COPB1: variants seen among roughly 807,000 people sequenced by gnomAD.
COPB1 encodes coatomer subunit beta.
A neutral mutation model predicts 108.7 loss-of-function variants in COPB1; 21 were observed. The observed-to-expected ratio is 0.19, with a 90% CI of 0.14 to 0.28. The LOEUF (loss-of-function observed/expected upper bound fraction) is 0.28. Ranked by LOEUF, COPB1 falls within the 10% of genes least tolerant of loss-of-function variation. The pLI, the probability that COPB1 is intolerant of heterozygous loss-of-function variation, is 1.00. For synonymous variants in COPB1, 378 were observed against 386.8 expected, an observed-to-expected ratio of 0.98 and a Z score of 0.27; for missense variants, 919 against 1,141.3, an observed-to-expected ratio of 0.81 and a Z score of 2.81.
intron 17 of COPB1, among the ~76,000 whole-genome samples, chr11:14,465,315 A>C (rs1172191799): frequency 6.6e-6 from 1 of 152,114 alleles, no homozygotes; most frequent in East Asian, 1.9e-4. Context: ...ATTTGTGGGA[A>C]GGGAGGATAC....
At position 14,457,606 on chromosome 11, in the gene COPB1, A is replaced by G; in HGVS notation, c.*218T>C. 2.3e-6 allele frequency: 1 copy of G among 434,292 alleles called. No homozygotes were observed. The highest frequency in any genetic ancestry group is 4.2e-6 in the Non-Finnish European group (1 of 235,566). The allele number at this position is 434,292 out of a possible 1,614,324, so 26.9% of individuals were successfully genotyped here. A position where few individuals can be genotyped will look rare whatever the true frequency, so the allele number is the denominator to read the frequency against. Reference sequence around the variant, plus strand: ...AAAGGGTCTTGGTACATGAAACATTATATACTTTGAGGACAGCATTCAGAA... The same window carrying G: ...AAAGGGTCTTGGTACATGAAACATTGTATACTTTGAGGACAGCATTCAGAA... On this transcript the variant is annotated 3_prime_UTR_variant, in exon 22 of 22. Transcript: ENST00000439561.
chr11:14,498,686 T>C (rs993843038), intron 2 of COPB1, 152 bp downstream of exon 2: 1 of 566,178 alleles, frequency 1.8e-6, no homozygotes, highest in African/African-American at 1.9e-5. Flanking sequence ...TTAAAGAAGT[T>C]CGCATTTTTA....
intron 2 of COPB1, among the ~76,000 whole-genome samples, chr11:14,495,815 C>G (rs373350056): frequency 6.6e-6 from 1 of 152,156 alleles, no homozygotes; most frequent in Non-Finnish European, 1.5e-5. Context: ...TAGCTATAAC[C>G]TTAGGTATCC....
intron 14 of COPB1, 73 bp from the exon 15 acceptor site, chr11:14,469,636 C>A: frequency 8.0e-7 from 1 of 1,253,456 alleles, no homozygotes; most frequent in Middle Eastern, 1.9e-4. Flanking sequence ...TTCATTATAA[C>A]TCACAATCTA....
At chr11:14,464,861 T>C in intron 18 of COPB1, 50 bp downstream of exon 18, 1 of 1,584,872 alleles carries the variant, frequency 6.3e-7, no homozygotes, top group Non-Finnish European at 8.6e-7. Flanking sequence ...ACTATAGAAA[T>C]TCTTCAGTAA....
At chr11:14,485,990 C>T (rs1589965087) in intron 7 of COPB1, among the ~76,000 whole-genome samples, 1 of 152,124 alleles carries the variant, frequency 6.6e-6, no homozygotes, top group East Asian at 1.9e-4. Context: ...TCATAAAGGT[C>T]TTCATCCCCA....
chr11:14,469,618 C>T (rs1183521574), intron 14 of COPB1, 55 bp from the exon 15 acceptor site: 3 of 1,371,786 alleles, frequency 2.2e-6, no homozygotes, highest in East Asian at 2.3e-5. Flanking sequence ...AGATTGCAAT[C>T]ATGTCACTTC....
intron 11 of COPB1, chr11:14,478,843 T>G (rs1185631777): frequency 1.3e-5 from 2 of 151,292 alleles, no homozygotes. Context: ...AAAAACTTAA[T>G]TATAGAAACC....
intron 11 of COPB1, 83 bp from the exon 12 acceptor site, chr11:14,477,098 T>A: frequency 4.9e-6 from 5 of 1,020,672 alleles, no homozygotes; most frequent in Non-Finnish European, 7.7e-6. Context: ...TAAGCTCAAA[T>A]AAAAACAAGG....
chr11:14,477,779 T>C (rs1322749547), intron 11 of COPB1, among the ~76,000 whole-genome samples: 2 of 151,224 alleles, frequency 1.3e-5, no homozygotes, highest in Non-Finnish European at 2.9e-5. Flanking sequence ...GCACCTGTAG[T>C]CCAGATACTT....
intron 2 of COPB1, among the ~76,000 whole-genome samples, chr11:14,498,153 T>G (rs1270372559): frequency 1.3e-5 from 2 of 152,152 alleles, no homozygotes; most frequent in African/African-American, 4.8e-5. Flanking sequence ...ATTGGACATT[T>G]AAAAATAACT....
rs747669490 is a variant in COPB1 at position 14,480,822 on chromosome 11, T to C, written c.1149A>G (p.Leu383=). The change falls in exon 10 of 22, where the codon CTA becomes CTG. Residue 383 remains leucine (L), a synonymous_variant. Coordinates refer to ENST00000439561, the MANE Select transcript of COPB1 (RefSeq NM_001144061.2). The stretch of plus-strand genomic sequence containing the variant: ...CAGAACAGGAATGCAATGTTCGCAC[T>C]AGGAGTTGTCTGTATTTGTCAGTAT... ...HEDTDKYRQL[L]VRTLHSCSVR... The C allele has an allele frequency of 6.2e-6, 10 of 1,613,914 alleles. No individual in the cohort carries two copies. The highest frequency in any genetic ancestry group is 8.5e-6 in the Non-Finnish European group (10 of 1,179,894).
intron 2 of COPB1, among the ~76,000 whole-genome samples, chr11:14,496,441 A>C (rs1379535991): frequency 6.6e-6 from 1 of 152,152 alleles, no homozygotes; most frequent in Non-Finnish European, 1.5e-5. Flanking sequence ...AAGTAATCTA[A>C]TCCCATTTAC....
intron 11 of COPB1, 146 bp from the exon 12 acceptor site, chr11:14,477,161 A>G (rs1011695145): frequency 2.1e-5 from 12 of 579,934 alleles, no homozygotes; most frequent in Non-Finnish European, 3.7e-5. Flanking sequence ...AGGCGGGCGG[A>G]TCACGAGGTC....
Position 14,480,793 on chromosome 11 carries a change from C to T in COPB1, c.1178G>A (p.Arg393Gln), listed in dbSNP as rs144103873. ...AACATTTGCAGCCATATCTGGAAAT[C>T]GGACAGAACAGGAATGCAATGTTCG... ...LVRTLHSCSV[R>Q]FPDMAANVIP... The change falls in exon 10 of 22, where the codon CGA becomes CAA. Residue 393 changes from arginine (R) to glutamine (Q), a missense_variant. Around this residue, in one of 5 missense-constraint regions of COPB1, gnomAD observed 705 missense variants for 817.8 expected, o/e 0.86. Transcript: ENST00000439561. The T allele has an allele frequency of 9.5e-5, 154 of 1,613,884 alleles. No individual in the cohort carries two copies. The African/African-American group carries it at 1.9e-3, about 20-fold the overall frequency.
intron 11 of COPB1, chr11:14,478,957 C>CAAAAAAAAAA (rs35295507): frequency 5.8e-5 from 4 of 68,398 alleles, no homozygotes; most frequent in Admixed American, 2.2e-4. Context: ...AGCCCTCTCA[C>CAAAAAAAAAA]AAAAAAAAAA....
chr11:14,475,535 A>G (rs1200236227), intron 13 of COPB1, among the ~76,000 whole-genome samples: 1 of 152,260 alleles, frequency 6.6e-6, no homozygotes, highest in Non-Finnish European at 1.5e-5. Flanking sequence ...GCATTTTCTG[A>G]GTAAAAATAA....
At chr11:14,498,703 G>C (rs1320743329) in intron 2 of COPB1, 135 bp downstream of exon 2, 3 of 606,038 alleles carry the variant, frequency 5.0e-6, no homozygotes, top group African/African-American at 1.9e-5. Context: ...TTTAATAAAA[G>C]GTCTATCGAA....
At chr11:14,490,759 T>G in intron 4 of COPB1, 80 bp from the exon 5 acceptor site, 1 of 728,060 alleles carries the variant, frequency 1.4e-6, no homozygotes, top group Non-Finnish European at 2.2e-6. Flanking sequence ...AATACCAAAA[T>G]TAAATTTAAT....
Sources: allele counts gnomAD v4.1 joint callset (sites outside exome capture counted in the v4.1 genomes callset), GRCh38; gene constraint gnomAD v4.1.1; regional missense constraint gnomAD v4.1.1; transcripts MANE v1.5; gene names NCBI Gene and HGNC (gene_info 2026-07-23, HGNC 2026-07-21).